The following SLC6A16 variants were observed in gnomAD, a reference collection of about 807,000 sequenced individuals.
The protein encoded by SLC6A16 is orphan sodium- and chloride-dependent neurotransmitter transporter NTT5.
A neutral mutation model predicts 65.4 loss-of-function variants in SLC6A16; 54 were observed. The observed-to-expected ratio is 0.83, with a 90% CI of 0.66 to 1.04. The LOEUF is 1.04. SLC6A16 is among the 50% of genes least tolerant of loss of function. The probability of loss-of-function intolerance (pLI) is 0.00; values close to 1 mark genes in which losing one functional copy is unlikely to be tolerated. For synonymous variants in SLC6A16, 330 were observed against 346.5 expected, an observed-to-expected ratio of 0.95 and a Z score of 0.53; for missense variants, 816 against 914.0, an observed-to-expected ratio of 0.89 and a Z score of 1.38.
At chr19:49,330,856 C>T in the SLC6A16 span, among the ~76,000 whole-genome samples, 1 of 151,478 alleles carries the variant, frequency 6.6e-6, no homozygotes, top group Non-Finnish European at 1.5e-5. Context: ...GCGGGAGAAT[C>T]GCTTGAACCC....
chr19:49,300,293 G>T (rs1023911321), intron 7 of SLC6A16, among the ~76,000 whole-genome samples: 3 of 152,122 alleles, frequency 2.0e-5, no homozygotes, highest in Admixed American at 6.6e-5. Context: ...AGCTGAGATT[G>T]CACCACTGCT....
At chr19:49,316,176 A>G (rs896631596) in intron 1 of SLC6A16, among the ~76,000 whole-genome samples, 2 of 152,212 alleles carry the variant, frequency 1.3e-5, no homozygotes, top group African/African-American at 2.4e-5. Context: ...AATGCCACTT[A>G]TAAAATAATT....
chr19:49,318,871 T>TTC lies in SLC6A16; in HGVS notation c.-65+6176_-65+6177insGA, dbSNP rs1216337598. On this transcript the variant is annotated intron_variant, in intron 1 of 11. Coordinates refer to ENST00000335875, the MANE Select transcript of SLC6A16 (RefSeq NM_014037.3). ...GTGTGCACCACCACAACTGGCTATT[T>TTC]TTTTTTTTTTTTTTTTTTTTTAGTA... 1.6e-3 allele frequency among the ~76,000 whole-genome samples: 238 copies of TTC among 146,994 alleles called. 1 individual carries two copies. The highest frequency in any genetic ancestry group is 5.6e-3 in the African/African-American group (222 of 39,932).
the SLC6A16 span, among the ~76,000 whole-genome samples, chr19:49,338,384 T>C: frequency 6.5e-3 from 969 of 148,428 alleles, 9 homozygotes; most frequent in African/African-American, 0.023. The surrounding 1 kb of genome is among the most constrained non-coding windows in gnomAD (Gnocchi z 5.0). Context: ...GAGACTCACA[T>C]GGTCTCGCAC....
At chr19:49,307,284 T>TA (rs1186448607) in intron 7 of SLC6A16, among the ~76,000 whole-genome samples, 1 of 151,608 alleles carries the variant, frequency 6.6e-6, no homozygotes, top group African/African-American at 2.4e-5. Context: ...GGAAACAATT[T>TA]AAAAGTCCAA....
upstream of SLC6A16, among the ~76,000 whole-genome samples, chr19:49,325,842 T>C (rs1970789696): frequency 6.6e-6 from 1 of 152,168 alleles, no homozygotes; most frequent in African/African-American, 2.4e-5. Flanking sequence ...AACATTTTTA[T>C]TTAAAATAAC....
At chr19:49,293,712 C>T (rs889397340) in intron 9 of SLC6A16, 115 bp downstream of exon 9, 2 of 905,810 alleles carry the variant, frequency 2.2e-6, no homozygotes, top group Admixed American at 2.0e-5. Context: ...TGCAGTAAGC[C>T]GAGATCACAC....
chr19:49,316,008 A>T (rs1457966968), intron 1 of SLC6A16, among the ~76,000 whole-genome samples: 2 of 152,202 alleles, frequency 1.3e-5, no homozygotes, highest in African/African-American at 4.8e-5. Flanking sequence ...CTATTCACAG[A>T]TGATATATCT....
chr19:49,309,089 CA>C lies in SLC6A16; in HGVS notation c.1015del (p.Trp339GlyfsTer3). On this transcript the variant is annotated frameshift_variant, in exon 7 of 12. Coordinates refer to ENST00000335875, the MANE Select transcript of SLC6A16 (RefSeq NM_014037.3). LOFTEE classifies it high-confidence loss of function. ...CAAAACTTGACCCCCTGCTAGAGAC[CA>C]CACACTCATATTGTACACATCCGAT... ...KISDVYNMSV[W>X]SLAGGQVLSN... 4 of 1,614,134 alleles carry C rather than the reference CA, an allele frequency of 2.5e-6. No homozygotes were observed. The highest frequency in any genetic ancestry group is 3.4e-6 in the Non-Finnish European group (4 of 1,180,014).
At chr19:49,319,637 C>G (rs552279400) in intron 1 of SLC6A16, among the ~76,000 whole-genome samples, 1 of 151,866 alleles carries the variant, frequency 6.6e-6, no homozygotes, top group Non-Finnish European at 1.5e-5. Context: ...TAATACCCCA[C>G]TACGAACAAT....
intron 1 of SLC6A16, among the ~76,000 whole-genome samples, 186 bp downstream of exon 1, chr19:49,324,862 G>C (rs772690608): frequency 1.3e-5 from 2 of 152,142 alleles, no homozygotes; most frequent in East Asian, 1.9e-4. Context: ...TGTCCTACGT[G>C]GGGGGTAAAG....
At chr19:49,310,225 A>C (rs1012552324) in intron 3 of SLC6A16, 59 bp from the exon 4 acceptor site, 5 of 1,608,656 alleles carry the variant, frequency 3.1e-6, no homozygotes, top group East Asian at 4.5e-5. Flanking sequence ...AAGGGAGGGG[A>C]TTTGACAGAG....
At chr19:49,330,109 C>G (rs1247823030), upstream of SLC6A16, among the ~76,000 whole-genome samples, 6 of 148,858 alleles carry the variant, frequency 4.0e-5, no homozygotes, top group Non-Finnish European at 8.9e-5. Flanking sequence ...CAGAGCAAGA[C>G]CTCAAAAAAA....
intron 7 of SLC6A16, among the ~76,000 whole-genome samples, chr19:49,307,373 C>T (rs1424598889): frequency 5.9e-5 from 9 of 151,782 alleles, no homozygotes; most frequent in East Asian, 1.9e-4. Context: ...CAATGCATTA[C>T]GCCACTTTGA....
the SLC6A16 span, chr19:49,339,862 C>T: frequency 7.5e-7 from 1 of 1,334,516 alleles, no homozygotes; most frequent in Non-Finnish European, 9.6e-7. The surrounding 1 kb of genome is among the most constrained non-coding windows in gnomAD (Gnocchi z 4.5). Flanking sequence ...GCAGGGCAAG[C>T]TGCCCATGGC....
chr19:49,305,481 A>G (rs1970366645), intron 7 of SLC6A16, among the ~76,000 whole-genome samples: 1 of 151,676 alleles, frequency 6.6e-6, no homozygotes, highest in African/African-American at 2.4e-5. Context: ...AATCCCAGCT[A>G]CTCGGGAAGG....
At chr19:49,302,707 T>C (rs1970312224) in intron 7 of SLC6A16, among the ~76,000 whole-genome samples, 1 of 152,008 alleles carries the variant, frequency 6.6e-6, no homozygotes, top group African/African-American at 2.4e-5. Flanking sequence ...TCTCAGTCAA[T>C]TATAAAAGAA....
upstream of SLC6A16, chr19:49,325,316 A>G (rs1970782995): frequency 2.4e-6 from 2 of 849,450 alleles, no homozygotes; most frequent in South Asian, 1.1e-4. Flanking sequence ...CTCTCTCCCC[A>G]CACGCACGCA....
At chr19:49,331,972 G>A in the SLC6A16 span, 2 of 448,614 alleles carry the variant, frequency 4.5e-6, no homozygotes, top group Non-Finnish European at 9.0e-6. Context: ...TGGGAAGGAG[G>A]GATTGGTGTA....
Sources: allele counts gnomAD v4.1 joint callset (sites outside exome capture counted in the v4.1 genomes callset), GRCh38; gene constraint gnomAD v4.1.1; non-coding constraint Gnocchi (gnomAD v3.1); transcripts MANE v1.5; gene names NCBI Gene and HGNC (gene_info 2026-07-23, HGNC 2026-07-21).